ZNF91: variants seen among roughly 807,000 people sequenced by gnomAD.
The protein encoded by ZNF91 is zinc finger protein 91 (HPF7, HTF10).
Under a neutral mutation model 12.6 loss-of-function variants are expected in ZNF91, and 7 were observed. That is an observed-to-expected ratio of 0.55 (90% CI 0.31 to 1.04). ZNF91 has a LOEUF of 1.04. ZNF91 is among the 50% of genes least tolerant of loss of function. ZNF91 has a pLI of 0.05. For missense variants in ZNF91, 1,217 were observed against 1,385.4 expected, an observed-to-expected ratio of 0.88 and a Z score of 1.93; for synonymous variants, 453 against 462.6, an observed-to-expected ratio of 0.98 and a Z score of 0.27.
chr19:23,387,446 A>C (rs1308391316), intron 1 of ZNF91, among the ~76,000 whole-genome samples: 1 of 152,198 alleles, frequency 6.6e-6, no homozygotes, highest in East Asian at 1.9e-4. Flanking sequence ...ATCAGGCACA[A>C]TGGCTCATGC....
In ZNF91 at chr19:23,359,022, T is replaced by C. The variant is rs1968582881; in HGVS notation, c.*381A>G. ...ACTGGTTAAAGGCTTTGCCAAATTT[T>C]TCCTGTTTGTAGGGTTGCTGTCCAG... On this transcript the variant is annotated 3_prime_UTR_variant, in exon 4 of 4. Transcript: ENST00000300619. 3.9e-6 allele frequency: 2 copies of C among 514,054 alleles called. No individual in the cohort carries two copies. Among genetic ancestry groups the C allele is most frequent in the Non-Finnish European group, 7.6e-6 (2 of 263,610 alleles). 31.8% of individuals were successfully genotyped at this position (514,054 alleles called of 1,614,324 possible).
chr19:23,393,053 G>T (rs10406915), intron 1 of ZNF91, among the ~76,000 whole-genome samples: 2,114 of 150,594 alleles, frequency 0.014, 46 homozygotes, highest in African/African-American at 0.048. Context: ...GGTTTTTTGG[G>T]TTTTTTTTTG....
chr19:23,386,592 C>T (rs1479795435), intron 1 of ZNF91, among the ~76,000 whole-genome samples: 4 of 152,098 alleles, frequency 2.6e-5, no homozygotes. Context: ...GTGGAATAAC[C>T]AGCTAGCACT....
At position 23,358,127 on chromosome 19, in the gene ZNF91, A is replaced by G. The variant is rs1968542262; in HGVS notation, c.*1276T>C. On this transcript the variant is annotated 3_prime_UTR_variant, in exon 4 of 4. Transcript: ENST00000300619. ...TACCTACACCCTTGAGTAAGGTGGA[A>G]TAGGTTAAAGTTACTGGCATAATAA... 6.6e-6 allele frequency: 1 copy of G among 152,192 alleles called. No homozygotes were observed. Among genetic ancestry groups the G allele is most frequent in the South Asian group, 2.1e-4 (1 of 4,834 alleles). The allele number at this position is 152,192 out of a possible 1,614,324, so 9.4% of individuals were successfully genotyped here. A position where few individuals can be genotyped will look rare whatever the true frequency, so the allele number is the denominator to read the frequency against.
chr19:23,324,750 T>A (rs1967807173), intron 1 of ZNF91: 1 of 152,060 alleles, frequency 6.6e-6, no homozygotes. Context: ...ACTAAATTCT[T>A]TTTTAGTGAC....
At chr19:23,345,225 C>T (rs1013330916) in intron 3 of ZNF91, among the ~76,000 whole-genome samples, 2 of 152,156 alleles carry the variant, frequency 1.3e-5, no homozygotes, top group Non-Finnish European at 2.9e-5. Context: ...CCCCTTTTCC[C>T]TGTTCTCTCT....
chr19:23,386,165 G>A (rs1201539123), intron 1 of ZNF91, among the ~76,000 whole-genome samples: 2 of 151,952 alleles, frequency 1.3e-5, no homozygotes, highest in Non-Finnish European at 2.9e-5. Context: ...AGTCAGAAAT[G>A]GCACAAATGG....
chr19:23,308,737 C>CT (rs1010615558), intron 2 of ZNF91: 1 of 152,160 alleles, frequency 6.6e-6, no homozygotes, highest in African/African-American at 2.4e-5. Context: ...GGACTTTATT[C>CT]TTTTTTGTGA....
chr19:23,365,893 T>C (rs942296730), intron 3 of ZNF91, among the ~76,000 whole-genome samples: 5 of 152,218 alleles, frequency 3.3e-5, no homozygotes, highest in African/African-American at 9.6e-5. Context: ...GGTAAGGTCA[T>C]AGATCAACAG....
chr19:23,354,131 CACGACCAAAGAAGAAA>C (rs1968430683), downstream of ZNF91, among the ~76,000 whole-genome samples: 1 of 152,116 alleles, frequency 6.6e-6, no homozygotes, highest in African/African-American at 2.4e-5. Flanking sequence ...CAGGAAAAGA[CACGACCAAAGAAGAAA>C]ACTACAGACC....
chr19:23,350,924 G>A (rs1282679025), intron 3 of ZNF91, among the ~76,000 whole-genome samples: 2 of 152,112 alleles, frequency 1.3e-5, no homozygotes, highest in African/African-American at 4.8e-5. Context: ...CATTAAAACA[G>A]TGTGTTGCTC....
chr19:23,352,358 C>T (rs985060739), intron 3 of ZNF91, among the ~76,000 whole-genome samples: 2 of 152,076 alleles, frequency 1.3e-5, no homozygotes, highest in African/African-American at 4.8e-5. Context: ...GAATCTCACC[C>T]CCATCCCCCA....
chr19:23,368,013 G>A (rs968444546), intron 3 of ZNF91, among the ~76,000 whole-genome samples: 3 of 151,898 alleles, frequency 2.0e-5, no homozygotes, highest in Non-Finnish European at 2.9e-5. Context: ...GGGTTCAAGC[G>A]ATTACCCTGC....
chr19:23,380,302 A>AAAAAAAAAAAAAAAAAAAAAAAAAAG (rs554607914), intron 1 of ZNF91: 1 of 133,640 alleles, frequency 7.5e-6, no homozygotes. Flanking sequence ...AAAAAAAAAA[A>AAAAAAAAAAAAAAAAAAAAAAAAAAG]GAGTGAAGCT....
In ZNF91 at chr19:23,374,702, G is replaced by A; in HGVS notation, c.93C>T (p.Asp31=). The part of the protein sequence containing the change: ...EFSPEEWQCL[D]TAQQNLYRNV... ...TCCTATATAAATTCTGCTGTGCAGTGTCCAGACATTGCCACTCCTCCGGAG... is the reference window on the plus strand; with the variant it reads ...TCCTATATAAATTCTGCTGTGCAGTATCCAGACATTGCCACTCCTCCGGAG... Residue 31 remains aspartate, a synonymous_variant, in exon 2 of 4, where the codon GAC becomes GAT. Coordinates refer to ENST00000300619, the MANE Select transcript of ZNF91 (RefSeq NM_003430.4). 1 of 1,612,218 alleles carries A rather than the reference G, an allele frequency of 6.2e-7. No homozygotes were observed. The highest frequency in any genetic ancestry group is 8.5e-7 in the Non-Finnish European group (1 of 1,179,066).
intron 1 of ZNF91, among the ~76,000 whole-genome samples, chr19:23,391,054 GT>G (rs1363303810): frequency 6.6e-6 from 1 of 152,214 alleles, no homozygotes; most frequent in Non-Finnish European, 1.5e-5. Context: ...AATGGTAATT[GT>G]TTTTAGTTCT....
chr19:23,365,670 A>G (rs1968974684), intron 3 of ZNF91, among the ~76,000 whole-genome samples: 1 of 152,066 alleles, frequency 6.6e-6, no homozygotes, highest in Non-Finnish European at 1.5e-5. Flanking sequence ...GCAGATAAAC[A>G]AGTGAACAAA....
intron 3 of ZNF91, chr19:23,339,487 A>C (rs1000882321): frequency 1.3e-5 from 2 of 152,234 alleles, no homozygotes; most frequent in Non-Finnish European, 1.5e-5. Flanking sequence ...AATCTGGCAA[A>C]TCAACAAAGT....
At chr19:23,317,656 T>G (rs529076455) in intron 1 of ZNF91, among the ~76,000 whole-genome samples, 1 of 152,096 alleles carries the variant, frequency 6.6e-6, no homozygotes, top group East Asian at 1.9e-4. Flanking sequence ...AACGTCACAT[T>G]TGGAGGCAGT....
Sources: allele counts gnomAD v4.1 joint callset (sites outside exome capture counted in the v4.1 genomes callset), GRCh38; gene constraint gnomAD v4.1.1; transcripts MANE v1.5; gene names NCBI Gene and HGNC (gene_info 2026-07-23, HGNC 2026-07-21).